KCNT2: variants seen among roughly 807,000 people sequenced by gnomAD.
KCNT2 encodes the protein potassium channel subfamily T member 2.
KCNT2 carries 67 observed loss-of-function variants against 153.8 expected under a neutral mutation model. The ratio of observed to expected loss-of-function variants is 0.44; its 90% confidence interval spans 0.36 to 0.53. The LOEUF is 0.53. KCNT2 is among the 20% of genes least tolerant of loss of function. The pLI, the probability that KCNT2 is intolerant of heterozygous loss-of-function variation, is 0.00. For synonymous variants in KCNT2, 500 were observed against 458.8 expected (o/e 1.09, Z -1.15); for missense variants, 975 against 1,354.8 (o/e 0.72, Z 4.40).
chr1:196,593,311 T>TATACACACACACACAC (rs1256165838), intron 1 of KCNT2, among the ~76,000 whole-genome samples: 7 of 140,202 alleles, frequency 5.0e-5, no homozygotes, highest in African/African-American at 2.0e-4. Flanking sequence ...TATATATATA[T>TATACACACACACACAC]ACACACACAC....
chr1:196,258,667 G>A, intron 25 of KCNT2, 173 bp from the exon 26 acceptor site: 2 of 677,864 alleles, frequency 3.0e-6, no homozygotes, highest in South Asian at 1.7e-5. Context: ...ATATTAAAAT[G>A]TATGTTTCCT....
chr1:196,400,960 A>G (rs922394760), intron 12 of KCNT2, among the ~76,000 whole-genome samples: 20 of 151,812 alleles, frequency 1.3e-4, no homozygotes, highest in African/African-American at 4.3e-4. Flanking sequence ...GTTGGCTAAG[A>G]CTCCACAGAA....
intron 22 of KCNT2, among the ~76,000 whole-genome samples, chr1:196,300,641 C>G (rs745612013): frequency 6.6e-6 from 1 of 152,128 alleles, no homozygotes; most frequent in Non-Finnish European, 1.5e-5. Context: ...CCCCTTTGTC[C>G]AATAATAATT....
chr1:196,366,411 G>A (rs763339600), intron 14 of KCNT2, among the ~76,000 whole-genome samples: 20 of 151,778 alleles, frequency 1.3e-4, no homozygotes, highest in Non-Finnish European at 2.1e-4. Flanking sequence ...TGCCTGCCTC[G>A]GCCTCCCAAA....
chr1:196,279,645 A>C (rs1163323130), intron 25 of KCNT2, among the ~76,000 whole-genome samples: 1 of 150,332 alleles, frequency 6.7e-6, no homozygotes, highest in Admixed American at 6.6e-5. Flanking sequence ...GGCCAGTCTG[A>C]TCTTGAACTC....
chr1:196,323,595 T>A (rs780409824), intron 19 of KCNT2, among the ~76,000 whole-genome samples: 14 of 151,988 alleles, frequency 9.2e-5, no homozygotes, highest in Non-Finnish European at 2.1e-4. Flanking sequence ...TAGAAAGGTT[T>A]ATATTTGAAA....
At chr1:196,593,092 C>T (rs867073162) in intron 1 of KCNT2, among the ~76,000 whole-genome samples, 11 of 150,314 alleles carry the variant, frequency 7.3e-5, no homozygotes, top group Non-Finnish European at 1.5e-4. Context: ...CCTTTCCTGC[C>T]GAGTCCCCAA....
At chr1:196,306,578 C>A (rs1460088924) in intron 21 of KCNT2, among the ~76,000 whole-genome samples, 1 of 152,076 alleles carries the variant, frequency 6.6e-6, no homozygotes, top group Admixed American at 6.6e-5. Flanking sequence ...GTGTGCCCAC[C>A]CTACTGCTCT....
chr1:196,235,876 T>A, intron 27 of KCNT2, 110 bp downstream of exon 27: 1 of 650,112 alleles, frequency 1.5e-6, no homozygotes, highest in Admixed American at 2.5e-5. Flanking sequence ...ATAGACTATT[T>A]AAGCACTTAT....
chr1:196,541,194 T>C (rs895931799), intron 1 of KCNT2, among the ~76,000 whole-genome samples: 2 of 151,968 alleles, frequency 1.3e-5, no homozygotes, highest in Non-Finnish European at 2.9e-5. Context: ...TATCTCTTAG[T>C]TCCTAAGTAA....
intron 26 of KCNT2, among the ~76,000 whole-genome samples, chr1:196,249,714 G>A (rs1022633666): frequency 5.9e-5 from 9 of 151,742 alleles, no homozygotes; most frequent in South Asian, 2.1e-4. Context: ...CGAAGGTTAC[G>A]TAGTGAGCTG....
At chr1:196,539,535 T>G (rs1656054301) in intron 1 of KCNT2, among the ~76,000 whole-genome samples, 1 of 152,150 alleles carries the variant, frequency 6.6e-6, no homozygotes, top group African/African-American at 2.4e-5. Flanking sequence ...TAGGAGAGCA[T>G]CATCCCACAT....
At chr1:196,580,923 T>G (rs942260021) in intron 1 of KCNT2, among the ~76,000 whole-genome samples, 1 of 152,200 alleles carries the variant, frequency 6.6e-6, no homozygotes, top group African/African-American at 2.4e-5. Flanking sequence ...ATTGTTGTTT[T>G]ACTTGTTCTT....
At chr1:196,276,074 G>T (rs1182637548) in intron 25 of KCNT2, among the ~76,000 whole-genome samples, 1 of 151,862 alleles carries the variant, frequency 6.6e-6, no homozygotes, top group Non-Finnish European at 1.5e-5. Flanking sequence ...GAATATGCCT[G>T]ATTATTATTT....
Position 196,280,801 on chromosome 1 carries a change from T to C in KCNT2, c.2910+59A>G, listed in dbSNP as rs547842390. 5.6e-5 allele frequency: 80 copies of C among 1,428,194 alleles called. No individual in the cohort carries two copies. The South Asian group carries it at 8.7e-4, about 16-fold the overall frequency. 88.5% of individuals were successfully genotyped at this position (1,428,194 alleles called of 1,614,324 possible). ...TTTTATAAATCAGTTTATAAGCTTATGAATGATTGCACTCATCAGATTAAA... is the reference window on the plus strand; with the variant it reads ...TTTTATAAATCAGTTTATAAGCTTACGAATGATTGCACTCATCAGATTAAA... On this transcript the variant is annotated intron_variant, in intron 25 of 27. Coordinates refer to ENST00000294725, the MANE Select transcript of KCNT2 (RefSeq NM_198503.5).
At chr1:196,248,276 G>GA (rs1286006373) in intron 26 of KCNT2, among the ~76,000 whole-genome samples, 1 of 150,366 alleles carries the variant, frequency 6.7e-6, no homozygotes, top group South Asian at 2.1e-4. Context: ...AAAAATAGTA[G>GA]AAAAAAAGAA....
chr1:196,424,489 G>T (rs57259842), intron 11 of KCNT2, among the ~76,000 whole-genome samples: 6,887 of 151,820 alleles, frequency 0.045, 522 homozygotes, highest in African/African-American at 0.16. Context: ...ATAGCAAACA[G>T]TAAACACCTA....
intron 12 of KCNT2, among the ~76,000 whole-genome samples, chr1:196,407,946 G>A (rs900851629): frequency 2.6e-5 from 4 of 151,210 alleles, no homozygotes; most frequent in African/African-American, 9.7e-5. Flanking sequence ...ACATTAGACA[G>A]GTTTCCTCCT....
intron 22 of KCNT2, among the ~76,000 whole-genome samples, chr1:196,291,649 G>A (rs967118260): frequency 2.0e-5 from 3 of 152,134 alleles, no homozygotes; most frequent in Non-Finnish European, 4.4e-5. Context: ...ATGGCTAGAA[G>A]TTACAAACTG....
Sources: allele counts gnomAD v4.1 joint callset (sites outside exome capture counted in the v4.1 genomes callset), GRCh38; gene constraint gnomAD v4.1.1; transcripts MANE v1.5; gene names NCBI Gene and HGNC (gene_info 2026-07-23, HGNC 2026-07-21).